Variants in RYR1 observed in about 807,000 individuals in gnomAD.
RYR1 encodes the protein ryanodine receptor 1.
A neutral mutation model predicts 583.5 loss-of-function variants in RYR1; 342 were observed. That is an observed-to-expected ratio of 0.59 (90% CI 0.54 to 0.64). The LOEUF (loss-of-function observed/expected upper bound fraction) is 0.64, where lower values mean the gene tolerates loss of function less well. RYR1 is among the 30% of genes least tolerant of loss of function. The probability of loss-of-function intolerance (pLI) is 0.00; values close to 1 mark genes in which losing one functional copy is unlikely to be tolerated. For synonymous variants in RYR1, 2,791 were observed against 2,822.5 expected, an observed-to-expected ratio of 0.99 and a Z score of 0.35; for missense variants, 6,032 against 6,917.2, an observed-to-expected ratio of 0.87 and a Z score of 4.54.
chr19:38,546,330 G>T, intron 87 of RYR1, 115 bp from the exon 88 acceptor site: 1 of 815,044 alleles, frequency 1.2e-6, no homozygotes, highest in East Asian at 2.6e-5. Flanking sequence ...TCCCCTCGGA[G>T]GTAAGAGGGG....
At position 38,570,597 on chromosome 19, in the gene RYR1, T is replaced by C. The variant is rs188836987; in HGVS notation, c.13660-10T>C. 8.1e-5 allele frequency: 130 copies of C among 1,610,456 alleles called. No homozygotes were observed. The East Asian group carries it at 2.7e-3, about 34-fold the overall frequency. On this transcript the variant is annotated splice_polypyrimidine_tract_variant and intron_variant, in intron 93 of 105. Coordinates refer to ENST00000359596, the MANE Select transcript of RYR1 (RefSeq NM_000540.3). ...GTGAGCGCTTTCTCTCTTTTTCTCT[T>C]CTCTCTCAGAACTACCTGTCCCGGA...
At position 38,458,113 on chromosome 19, in the gene RYR1, T is replaced by C. The variant is rs1967516503; in HGVS notation, c.1988T>C (p.Phe663Ser). 2 of 1,613,936 alleles carry C rather than the reference T, an allele frequency of 1.2e-6. No individual in the cohort carries two copies. Among genetic ancestry groups the C allele is most frequent in the Non-Finnish European group, 1.7e-6 (2 of 1,179,998 alleles). ...EGTTQYSKWY[F>S]EVMVDEVTPF... ...ACCACGCAGTACAGCAAATGGTACTTTGAGGTGATGGTGGACGAGGTGACT... is the reference window on the plus strand; with the variant it reads ...ACCACGCAGTACAGCAAATGGTACTCTGAGGTGATGGTGGACGAGGTGACT... The change falls in exon 18 of 106, where the codon TTT (phenylalanine) becomes TCT (serine). Residue 663 changes from phenylalanine (F) to serine (S), a missense_variant. Physicochemically the swap from Phe to Ser is radical, Grantham distance 155 (BLOSUM62 -2). Coordinates refer to ENST00000359596, the MANE Select transcript of RYR1 (RefSeq NM_000540.3).
chr19:38,553,150 T>C (rs1300736956), intron 89 of RYR1, among the ~76,000 whole-genome samples: 1 of 150,846 alleles, frequency 6.6e-6, no homozygotes, highest in African/African-American at 2.4e-5. Flanking sequence ...CTGGGCAACA[T>C]GGCGAACCTC....
rs540203041 is a variant in RYR1 at position 38,491,584 on chromosome 19, A to G, written c.6127+852A>G. ...GCTGGGAGAACAGGTGTGTGCCACC[A>G]CGCCTGGCTAATTTTTTAATTTTTT... On this transcript the variant is annotated intron_variant, in intron 37 of 105. Transcript: ENST00000359596. Among the ~76,000 whole-genome samples the G allele has an allele frequency of 1.4e-4, 22 of 151,972 alleles. 1 individual carries two copies. The South Asian group carries it at 4.2e-3, about 29-fold the overall frequency.
At chr19:38,467,496 A>C (rs1968171559) in intron 24 of RYR1, 114 bp from the exon 25 acceptor site, 1 of 1,154,026 alleles carries the variant, frequency 8.7e-7, no homozygotes, top group Admixed American at 1.7e-5. Flanking sequence ...ACCCTCTTCC[A>C]ACAGTTCCCC....
chr19:38,492,675 G>GCTACCCACCCCACCCC, intron 38 of RYR1, 39 bp downstream of exon 38: 2 of 1,533,350 alleles, frequency 1.3e-6, no homozygotes, highest in Non-Finnish European at 8.9e-7. Context: ...CAGGGGTGGG[G>GCTACCCACCCCACCCC]TGGGTAGCCC....
intron 78 of RYR1, among the ~76,000 whole-genome samples, chr19:38,533,440 A>G (rs1030797543): frequency 1.3e-5 from 2 of 152,214 alleles, no homozygotes; most frequent in Non-Finnish European, 2.9e-5. Context: ...AATAGCTATC[A>G]AAATATTTTA....
chr19:38,521,293 C>G (rs1053491102), intron 67 of RYR1, among the ~76,000 whole-genome samples: 6 of 150,888 alleles, frequency 4.0e-5, no homozygotes, highest in African/African-American at 1.5e-4. Context: ...GACCCTGTCT[C>G]AATAAGGTTT....
chr19:38,534,959 C>T, intron 79 of RYR1, 140 bp downstream of exon 79: 2 of 1,098,102 alleles, frequency 1.8e-6, no homozygotes, highest in Non-Finnish European at 2.7e-6. Flanking sequence ...CTTGCAGCTT[C>T]CCCTTGTATA....
At chr19:38,581,104 G>A (rs1382646264) in intron 101 of RYR1, among the ~76,000 whole-genome samples, 1 of 141,290 alleles carries the variant, frequency 7.1e-6, no homozygotes. Context: ...TTTTTTTTTT[G>A]AGACAGAGTC....
At chr19:38,497,661 G>A (rs1276339322) in intron 42 of RYR1, among the ~76,000 whole-genome samples, 1 of 152,172 alleles carries the variant, frequency 6.6e-6, no homozygotes, top group African/African-American at 2.4e-5. Flanking sequence ...ATGCAAAGCA[G>A]TAGCAATATG....
In RYR1 at chr19:38,512,477, G is replaced by A. The variant is rs150230127; in HGVS notation, c.9466G>A (p.Val3156Ile). 44 of 1,610,966 alleles carry A rather than the reference G, an allele frequency of 2.7e-5. No homozygotes were observed. The African/African-American group carries it at 3.2e-4, about 12-fold the overall frequency. Residue 3156 changes from valine (V) to isoleucine (I), a missense_variant, in exon 63 of 106, where the codon GTC becomes ATC. Physicochemically the swap from Val to Ile is conservative, Grantham distance 29 (BLOSUM62 3). Around this residue, in one of 11 missense-constraint regions of RYR1, gnomAD observed 1,493 missense variants for 1,715.5 expected, o/e 0.87. Transcript: ENST00000359596. This position sits in a 1 kb window ranked among gnomAD's most constrained non-coding sequence, Gnocchi z 5.1. ...CGCCCAGCACCAGTTCGGAGATGAC[G>A]TCATCCGTAAGGGCGCCTGACCCAA... ...HIAQHQFGDD[V>I]ILDDVQVSCY...
At chr19:38,450,886 G>A (rs751391987) in intron 11 of RYR1, among the ~76,000 whole-genome samples, 8 of 152,188 alleles carry the variant, frequency 5.3e-5, no homozygotes, top group Non-Finnish European at 7.3e-5. Context: ...CTTGTAGCTC[G>A]ATTTTCCAGG....
intron 67 of RYR1, among the ~76,000 whole-genome samples, chr19:38,521,502 A>G (rs114489216): frequency 1.3e-5 from 2 of 151,848 alleles, no homozygotes; most frequent in African/African-American, 2.4e-5. Context: ...CCTGGGCAAC[A>G]TGCAAAAACC....
chr19:38,537,369 G>A (rs1242553276), intron 83 of RYR1, among the ~76,000 whole-genome samples: 1 of 152,078 alleles, frequency 6.6e-6, no homozygotes, highest in East Asian at 1.9e-4. Flanking sequence ...CCTCCCCTGT[G>A]CTACTCCTGG....
chr19:38,490,317 C>A, intron 36 of RYR1, 41 bp downstream of exon 36: 1 of 1,575,436 alleles, frequency 6.3e-7, no homozygotes, highest in Non-Finnish European at 8.7e-7. Flanking sequence ...ACTGTCTAAA[C>A]CCCAACCTCA....
Position 38,565,001 on chromosome 19 carries a change from G to A in RYR1, c.12667G>A (p.Glu4223Lys), listed in dbSNP as rs752060440. ...KRQFIFDVVN[E>K]GGEAEKMELF... The stretch of plus-strand genomic sequence containing the variant: ...CCAGTTCATCTTCGACGTGGTGAAC[G>A]AGGGCGGCGAGGCTGAGAAGATGGA... Residue 4223 changes from glutamate to lysine, a missense_variant, in exon 91 of 106, where the codon GAG becomes AAG. Transcript: ENST00000359596. The surrounding 1 kb of genome is among the most constrained non-coding windows in gnomAD (Gnocchi z 4.7). 5 of 1,592,794 alleles carry A rather than the reference G, an allele frequency of 3.1e-6. No homozygotes were observed. In the East Asian group the frequency reaches 9.1e-5, roughly 29 times the overall value.
chr19:38,453,081 C>T, intron 13 of RYR1, 67 bp downstream of exon 13: 1 of 1,544,846 alleles, frequency 6.5e-7, no homozygotes. Context: ...AGGGGCGGGG[C>T]CACGGCGCTG....
At chr19:38,469,556 G>T in intron 27 of RYR1, 43 bp downstream of exon 27, 1 of 1,568,806 alleles carries the variant, frequency 6.4e-7, no homozygotes, top group Non-Finnish European at 8.8e-7. Context: ...TGCCTCCAAA[G>T]CTCCTTCCTT....
Sources: gnomAD v4.1 joint callset for allele counts (sites outside exome capture counted in the v4.1 genomes callset) on GRCh38, gnomAD v4.1.1 for gene constraint, gnomAD v4.1.1 regional missense constraint, Gnocchi (gnomAD v3.1) non-coding constraint, MANE v1.5 for transcripts, NCBI Gene and HGNC (gene_info 2026-07-23, HGNC 2026-07-21) for gene names.